The following SUPT3H variants were observed in gnomAD, a reference collection of about 807,000 sequenced individuals.
SUPT3H encodes transcription initiation protein SPT3 homolog.
A neutral mutation model predicts 44.3 loss-of-function variants in SUPT3H; 44 were observed. The observed-to-expected ratio is 0.99, with a 90% CI of 0.78 to 1.28. SUPT3H has a LOEUF of 1.28. Among genes scored for constraint, SUPT3H ranks in the 50% most tolerant of loss-of-function variants. The pLI is 0.00. For synonymous variants in SUPT3H, 124 were observed against 125.6 expected (o/e 0.99, Z 0.09); for missense variants, 380 against 387.1 (o/e 0.98, Z 0.15).
intron 9 of SUPT3H, among the ~76,000 whole-genome samples, chr6:44,940,249 A>G (rs1012301542): frequency 4.0e-5 from 6 of 151,714 alleles, no homozygotes; most frequent in Admixed American, 2.6e-4. Context: ...TTGTGTTTCC[A>G]TTTTCATTTG....
chr6:45,038,919 T>C (rs142739194), intron 3 of SUPT3H, among the ~76,000 whole-genome samples: 2,671 of 152,282 alleles, frequency 0.018, 52 homozygotes, highest in South Asian at 0.086. Context: ...TATTAAAATC[T>C]TGGTATTATT....
chr6:44,859,637 C>T (rs539895600), intron 10 of SUPT3H, among the ~76,000 whole-genome samples: 1 of 152,238 alleles, frequency 6.6e-6, no homozygotes, highest in African/African-American at 2.4e-5. Flanking sequence ...AGGATACCAA[C>T]AACTCTCCTA....
chr6:45,120,221 T>C (rs2153578725), intron 2 of SUPT3H, among the ~76,000 whole-genome samples: 1 of 152,068 alleles, frequency 6.6e-6, no homozygotes, highest in African/African-American at 2.4e-5. Flanking sequence ...TTGTCTTTCA[T>C]AGAAACTGAA....
At chr6:45,305,541 GTTCCCT>G (rs1269899281) in intron 2 of SUPT3H, among the ~76,000 whole-genome samples, 1 of 152,146 alleles carries the variant, frequency 6.6e-6, no homozygotes, top group Non-Finnish European at 1.5e-5. Context: ...AGTTTTCAGA[GTTCCCT>G]TTCTTTATGT....
chr6:45,302,093 A>C (rs1431645165), intron 2 of SUPT3H, among the ~76,000 whole-genome samples: 1 of 152,114 alleles, frequency 6.6e-6, no homozygotes, highest in Non-Finnish European at 1.5e-5. Context: ...TGTATGAGGG[A>C]AGTAACTTTT....
At chr6:44,971,211 T>C (rs953419749) in intron 6 of SUPT3H, among the ~76,000 whole-genome samples, 1 of 152,220 alleles carries the variant, frequency 6.6e-6, no homozygotes, top group African/African-American at 2.4e-5. Flanking sequence ...ATCAGCTCTA[T>C]CTTTAAAATA....
chr6:45,213,452 A>C (rs2153631565), intron 2 of SUPT3H, among the ~76,000 whole-genome samples: 1 of 152,300 alleles, frequency 6.6e-6, no homozygotes, highest in East Asian at 1.9e-4. Flanking sequence ...TTAAATATTT[A>C]ACATCACTGA....
rs558120897 is a variant in SUPT3H, at chr6:45,178,614, T to A, written c.102-72608A>T. ...CACCCCAAATCAACAGAATATACAT[T>A]TTTTTCAGCACCACACCACACCTGT... On this transcript the variant is annotated intron_variant, in intron 2 of 10. Transcript: ENST00000371459. 5.3e-3 allele frequency among the ~76,000 whole-genome samples: 804 copies of A among 152,124 alleles called. 6 individuals are homozygous for A. Among genetic ancestry groups the A allele is most frequent in the African/African-American group, 0.018 (752 of 41,484 alleles).
chr6:45,166,713 A>G (rs1325934812), intron 2 of SUPT3H, among the ~76,000 whole-genome samples: 1 of 152,168 alleles, frequency 6.6e-6, no homozygotes, highest in Non-Finnish European at 1.5e-5. Flanking sequence ...AACTGAGTTT[A>G]GGATTTGAAT....
intron 3 of SUPT3H, among the ~76,000 whole-genome samples, chr6:45,031,912 A>G (rs7747550): frequency 0.014 from 2,106 of 152,256 alleles, 58 homozygotes; most frequent in African/African-American, 0.048. Context: ...GACTTATCTT[A>G]CCATGTTTAC....
At chr6:44,971,116 T>G (rs1196041162) in intron 6 of SUPT3H, among the ~76,000 whole-genome samples, 1 of 152,240 alleles carries the variant, frequency 6.6e-6, no homozygotes, top group Non-Finnish European at 1.5e-5. Context: ...CTTAGTTTTT[T>G]CAGTAAGGAC....
intron 2 of SUPT3H, among the ~76,000 whole-genome samples, chr6:45,176,762 T>G (rs185797158): frequency 1.3e-5 from 2 of 152,168 alleles, no homozygotes; most frequent in Non-Finnish European, 2.9e-5. Flanking sequence ...AGTGGGTCCC[T>G]GACCCCTGAC....
At chr6:45,026,265 T>C (rs1785983169) in intron 3 of SUPT3H, among the ~76,000 whole-genome samples, 1 of 152,152 alleles carries the variant, frequency 6.6e-6, no homozygotes, top group Non-Finnish European at 1.5e-5. Context: ...ATGATAAGAC[T>C]GAAAGAACCT....
At chr6:45,154,348 G>A (rs1286622370) in intron 2 of SUPT3H, among the ~76,000 whole-genome samples, 1 of 151,960 alleles carries the variant, frequency 6.6e-6, no homozygotes, top group African/African-American at 2.4e-5. Flanking sequence ...AAAAGAAGAA[G>A]AAGAAAACTT....
intron 10 of SUPT3H, among the ~76,000 whole-genome samples, chr6:44,850,192 A>C (rs1215430269): frequency 6.6e-6 from 1 of 152,242 alleles, no homozygotes; most frequent in Non-Finnish European, 1.5e-5. Context: ...GATCAGATTA[A>C]ATTTTAACCA....
Position 45,003,706 on chromosome 6 carries a change from A to C in SUPT3H, c.451T>G (p.Leu151Val), listed in dbSNP as rs57157400. The C allele has an allele frequency of 6.2e-7, 1 of 1,613,864 alleles. No homozygotes were observed. ...ATTTCGTCATCTTCAAACATTGCTA[A>C]AAGTTCTCCTGTCTGGTCAATAGAG... The part of the protein sequence containing the change: ...LNSIDQTGEL[L>V]AMFEDDEIDE... Residue 151 changes from leucine to valine, a missense_variant, in exon 6 of 11, where the codon TTA becomes GTA. By Grantham distance (32) the Leu-to-Val change is conservative. Transcript: ENST00000371459.
Position 44,916,262 on chromosome 6 carries a change from A to AT in SUPT3H, c.912+16390dup, listed in dbSNP as rs547565848. Among the ~76,000 whole-genome samples the AT allele has an allele frequency of 4.9e-3, 738 of 152,140 alleles. 2 individuals carry two copies. The highest frequency in any genetic ancestry group is 8.0e-3 in the Non-Finnish European group (545 of 67,994). On this transcript the variant is annotated intron_variant, in intron 10 of 10. Transcript: ENST00000371459. ...CAATTCACAATACACTGCATCTTTCATTTTTTTCTTTCAATCTAAAGCTTC... is the reference window on the plus strand; with the variant it reads ...CAATTCACAATACACTGCATCTTTCATTTTTTTTCTTTCAATCTAAAGCTTC...
At chr6:45,165,579 TTAATA>T (rs1809704258) in intron 2 of SUPT3H, among the ~76,000 whole-genome samples, 2 of 152,296 alleles carry the variant, frequency 1.3e-5, no homozygotes, top group South Asian at 4.1e-4. Flanking sequence ...TTAACTAGTA[TTAATA>T]TGTTAAAGGT....
rs907448153 is a variant in SUPT3H, at chr6:45,249,279, TTTA to T, written c.101+115919_101+115921del. Among the ~76,000 whole-genome samples the T allele has an allele frequency of 4.8e-4, 73 of 152,332 alleles. 1 individual carries two copies. The highest frequency in any genetic ancestry group is 1.8e-3 in the African/African-American group (73 of 41,582). ...TGCTTATAGTTTCTCTGTATTGCATTTTATTGTCTATCATGTAGATAAAACTGT... is the reference window on the plus strand; with the variant it reads ...TGCTTATAGTTTCTCTGTATTGCATTTTGTCTATCATGTAGATAAAACTGT... On this transcript the variant is annotated intron_variant, in intron 2 of 10. Coordinates refer to ENST00000371459, the MANE Select transcript of SUPT3H (RefSeq NM_003599.4).
Sources: gnomAD v4.1 joint callset for allele counts (sites outside exome capture counted in the v4.1 genomes callset) on GRCh38, gnomAD v4.1.1 for gene constraint, MANE v1.5 for transcripts, NCBI Gene and HGNC (gene_info 2026-07-23, HGNC 2026-07-21) for gene names.